The following SHTN1 variants were observed in gnomAD, a reference collection of about 807,000 sequenced individuals.
SHTN1 encodes shootin-1.
A neutral mutation model predicts 83.1 loss-of-function variants in SHTN1; 42 were observed. The ratio of observed to expected loss-of-function variants is 0.51; its 90% CI spans 0.39 to 0.65. The LOEUF is 0.65. Ranked by LOEUF, SHTN1 falls within the 30% of genes least tolerant of loss-of-function variation. The pLI, the probability that SHTN1 is intolerant of heterozygous loss-of-function variation, is 0.00. For missense variants in SHTN1, 622 were observed against 737.8 expected (o/e 0.84, Z 1.82); for synonymous variants, 224 against 247.7 (o/e 0.90, Z 0.90).
rs988374282 is a variant in SHTN1, at chr10:117,065,856, A to G, written c.-188-17346T>C. The stretch of plus-strand genomic sequence containing the variant: ...AGGAAGGAAGGAAGGAAGGAAGGAA[A>G]GGAGGGAGGGAGGGAGGGAGGGAGG... On this transcript the variant is annotated intron_variant, in intron 1 of 17. Transcript: ENST00000392901. 6.7e-3 allele frequency among the ~76,000 whole-genome samples: 247 copies of G among 36,984 alleles called. 8 individuals carry two copies. The highest frequency in any genetic ancestry group is 0.026 in the African/African-American group (194 of 7,428). The allele number at this position is 36,984 out of a possible 152,430, so 24.3% of individuals were successfully genotyped here.
chr10:116,990,236 C>T (rs1159839958), intron 1 of SHTN1, among the ~76,000 whole-genome samples: 3 of 151,508 alleles, frequency 2.0e-5, no homozygotes, highest in Admixed American at 1.3e-4. Context: ...TCTTTAGCCA[C>T]CCAGAAAAGG....
intron 1 of SHTN1, among the ~76,000 whole-genome samples, chr10:117,122,782 G>T (rs2133648717): frequency 6.6e-6 from 1 of 152,236 alleles, no homozygotes; most frequent in East Asian, 1.9e-4. Flanking sequence ...ACAACTTCAA[G>T]AGAACAGTGA....
At chr10:116,978,662 T>C (rs114737947) in intron 2 of SHTN1, among the ~76,000 whole-genome samples, 18 of 151,996 alleles carry the variant, frequency 1.2e-4, no homozygotes, top group African/African-American at 4.3e-4. Flanking sequence ...TTTTCAGTGA[T>C]AAGGATATAG....
intron 2 of SHTN1, among the ~76,000 whole-genome samples, chr10:117,024,761 C>G (rs1251290819): frequency 6.6e-6 from 1 of 152,136 alleles, no homozygotes; most frequent in African/African-American, 2.4e-5. Flanking sequence ...ATACTGAAGT[C>G]TTCAACTTGC....
Position 116,884,027 on chromosome 10 carries a change from G to GA in SHTN1, c.*2316dup, listed in dbSNP as rs1197740197. 10 of 218,708 alleles carry GA rather than the reference G, an allele frequency of 4.6e-5. No homozygotes were observed. The highest frequency in any genetic ancestry group is 1.3e-4 in the East Asian group (1 of 7,592). The allele number at this position is 218,708 out of a possible 1,614,324, so 13.5% of individuals were successfully genotyped here. A position where few individuals can be genotyped will look rare whatever the true frequency, so the allele number is the denominator to read the frequency against. ...TGCATCAACATTCGTTTTTCTTAAA[G>GA]AAAAAAAATCCTCTATAGCGCACAA... On this transcript the variant is annotated 3_prime_UTR_variant, in exon 17 of 17. Transcript: ENST00000355371.
At chr10:117,055,082 T>C (rs2133591513) in intron 1 of SHTN1, among the ~76,000 whole-genome samples, 1 of 152,212 alleles carries the variant, frequency 6.6e-6, no homozygotes, top group African/African-American at 2.4e-5. Flanking sequence ...AAGGCACGTC[T>C]TACATGGCAG....
chr10:116,962,756 C>T (rs371582996), intron 3 of SHTN1, among the ~76,000 whole-genome samples: 102 of 152,226 alleles, frequency 6.7e-4, no homozygotes, highest in African/African-American at 2.3e-3. Flanking sequence ...TGGTACACTC[C>T]ATCTGGTGGG....
intron 1 of SHTN1, among the ~76,000 whole-genome samples, chr10:117,074,825 C>T (rs1369506803): frequency 6.6e-6 from 1 of 152,048 alleles, no homozygotes; most frequent in Non-Finnish European, 1.5e-5. Flanking sequence ...CACTGCCCTC[C>T]CGTGTCTGTA....
intron 16 of SHTN1, among the ~76,000 whole-genome samples, chr10:116,899,077 G>T (rs1847625297): frequency 6.6e-6 from 1 of 152,098 alleles, no homozygotes; most frequent in Non-Finnish European, 1.5e-5. Flanking sequence ...TATTCAAAAA[G>T]AATTTATTGA....
At chr10:116,902,818 G>A (rs1294707597) in intron 15 of SHTN1, among the ~76,000 whole-genome samples, 1 of 152,208 alleles carries the variant, frequency 6.6e-6, no homozygotes, top group Non-Finnish European at 1.5e-5. Context: ...CCAGTAAGAA[G>A]AGCACAAAAC....
chr10:116,975,268 A>G (rs1850759385), intron 2 of SHTN1, among the ~76,000 whole-genome samples: 1 of 152,206 alleles, frequency 6.6e-6, no homozygotes, highest in Non-Finnish European at 1.5e-5. Context: ...AAATATGCAG[A>G]TGTCTTATTA....
intron 14 of SHTN1, 33 bp downstream of exon 14, chr10:116,911,757 T>C: frequency 1.3e-6 from 2 of 1,589,096 alleles, no homozygotes; most frequent in Non-Finnish European, 1.7e-6. Context: ...CATTTCCCCA[T>C]TAGCTAAACA....
chr10:116,920,130 C>T (rs753278355), intron 12 of SHTN1, among the ~76,000 whole-genome samples: 3 of 152,120 alleles, frequency 2.0e-5, no homozygotes, highest in Non-Finnish European at 4.4e-5. Flanking sequence ...TGTCACAATG[C>T]ATGGTAATGA....
chr10:116,954,494 T>A (rs1849902042), intron 4 of SHTN1, among the ~76,000 whole-genome samples: 1 of 152,188 alleles, frequency 6.6e-6, no homozygotes, highest in African/African-American at 2.4e-5. Flanking sequence ...TAAATAAAAT[T>A]CTGATTTATA....
At chr10:117,081,969 A>T (rs1853272657) in intron 1 of SHTN1, among the ~76,000 whole-genome samples, 2 of 143,874 alleles carry the variant, frequency 1.4e-5, no homozygotes, top group African/African-American at 5.1e-5. Flanking sequence ...AATTTTGTTG[A>T]TCCTTTCAAA....
At chr10:116,959,094 T>C (rs976034362) in intron 4 of SHTN1, among the ~76,000 whole-genome samples, 1 of 152,124 alleles carries the variant, frequency 6.6e-6, no homozygotes, top group East Asian at 1.9e-4. Flanking sequence ...AAAATGAAAA[T>C]AGAATTCACA....
chr10:117,061,148 T>TCTTTTTTTTTTTC (rs1852893516), intron 1 of SHTN1, among the ~76,000 whole-genome samples: 1 of 151,146 alleles, frequency 6.6e-6, no homozygotes, highest in Non-Finnish European at 1.5e-5. Context: ...TTTTTTTTTT[T>TCTTTTTTTTTTTC]TTCTTTTTTT....
intron 2 of SHTN1, among the ~76,000 whole-genome samples, chr10:117,014,627 A>G (rs1001722606): frequency 6.6e-6 from 1 of 152,206 alleles, no homozygotes. Flanking sequence ...GTTTCTCACC[A>G]TAAGAGAAAG....
intron 9 of SHTN1, among the ~76,000 whole-genome samples, chr10:116,935,777 T>C (rs1320219171): frequency 6.6e-6 from 1 of 152,102 alleles, no homozygotes; most frequent in South Asian, 2.1e-4. Flanking sequence ...AGAAATCAGC[T>C]GTGAATCCAT....
Sources: gnomAD v4.1 joint callset for allele counts (sites outside exome capture counted in the v4.1 genomes callset) on GRCh38, gnomAD v4.1.1 for gene constraint, MANE v1.5 for transcripts, NCBI Gene and HGNC (gene_info 2026-07-23, HGNC 2026-07-21) for gene names.